Variants in FZD2 observed in about 807,000 individuals in gnomAD.
The protein encoded by FZD2 is frizzled class receptor 2.
In FZD2, 17 loss-of-function variants were observed where a neutral mutation model predicts 36.7. That is an observed-to-expected ratio of 0.46 (90% CI 0.32 to 0.70). FZD2 has a LOEUF of 0.70. Ranked by LOEUF, FZD2 falls within the 30% of genes least tolerant of loss-of-function variation. The probability of loss-of-function intolerance (pLI) is 0.04; values close to 1 mark genes in which losing one functional copy is unlikely to be tolerated. For missense variants in FZD2, 525 were observed against 805.6 expected (o/e 0.65, Z 4.22); for synonymous variants, 333 against 359.6 (o/e 0.93, Z 0.84).
Position 44,558,756 on chromosome 17 carries a change from C to T in FZD2, c.1068C>T (p.Ala356=), listed in dbSNP as rs756235284. 1 of 1,614,228 alleles carries T rather than the reference C, an allele frequency of 6.2e-7. No individual in the cohort carries two copies. Among genetic ancestry groups the T allele is most frequent in the South Asian group, 1.1e-5 (1 of 91,090 alleles). ...TGTCGCTCACCTGGTTCCTGGCAGC[C>T]GGCATGAAGTGGGGCCACGAGGCCA... ...VILSLTWFLA[A]GMKWGHEAIE... is the part of the protein sequence containing the mutation. The change falls in exon 1 of 1, where the codon GCC becomes GCT. Residue 356 remains alanine (A), a synonymous_variant. Transcript: ENST00000315323. This position sits in a 1 kb window ranked among gnomAD's most constrained non-coding sequence, Gnocchi z 9.3.
chr17:44,557,632 G>A lies in FZD2; in HGVS notation c.-57G>A, dbSNP rs1364129535. ...CGGCGGGGAAGAAGCGCAGTCTCCG[G>A]GTTGGGGGCGGGGGCGGGGGGGGCG... On this transcript the variant is annotated 5_prime_UTR_variant, in exon 1 of 1. Transcript: ENST00000315323. The surrounding 1 kb of genome is among the most constrained non-coding windows in gnomAD (Gnocchi z 4.9). The A allele has an allele frequency of 2.8e-6, 3 of 1,083,468 alleles. No homozygotes were observed. In the African/African-American group the frequency reaches 5.0e-5, roughly 18 times the overall value. 67.1% of individuals were successfully genotyped at this position (1,083,468 alleles called of 1,614,324 possible).
Position 44,558,937 on chromosome 17 carries a change from C to T in FZD2, c.1249C>T (p.Leu417=). The change falls in exon 1 of 1, where the codon CTA becomes TTA. Residue 417 remains leucine (L), a synonymous_variant. Coordinates refer to ENST00000315323, the MANE Select transcript of FZD2 (RefSeq NM_001466.4). This position sits in a 1 kb window ranked among gnomAD's most constrained non-coding sequence, Gnocchi z 9.3. ...NSLDPLRGFV[L]APLFVYLFIG... ...CCTGGACCCGCTGCGGGGCTTCGTGCTAGCGCCGCTCTTCGTGTACCTGTT... is the reference window on the plus strand; with the variant it reads ...CCTGGACCCGCTGCGGGGCTTCGTGTTAGCGCCGCTCTTCGTGTACCTGTT... The T allele has an allele frequency of 1.2e-6, 2 of 1,613,602 alleles. No homozygotes were observed. The highest frequency in any genetic ancestry group is 1.7e-6 in the Non-Finnish European group (2 of 1,179,948).
At position 44,557,566 on chromosome 17, in the gene FZD2, T is replaced by G; in HGVS notation, c.-123T>G. On this transcript the variant is annotated 5_prime_UTR_variant, in exon 1 of 1. Coordinates refer to ENST00000315323, the MANE Select transcript of FZD2 (RefSeq NM_001466.4). The surrounding 1 kb of genome is among the most constrained non-coding windows in gnomAD (Gnocchi z 4.9). ...CCCAACTCTGCGGCCGCGAGTAAAG[T>G]TTGCAAAGAGGCGCGGGAGGCGGCA... 1 of 621,424 alleles carries G rather than the reference T, an allele frequency of 1.6e-6. No individual in the cohort carries two copies. The highest frequency in any genetic ancestry group is 2.4e-6 in the Non-Finnish European group (1 of 424,436). The allele number at this position is 621,424 out of a possible 1,614,324, so 38.5% of individuals were successfully genotyped here.
Position 44,557,575 on chromosome 17 carries a change from A to G in FZD2, c.-114A>G. On this transcript the variant is annotated 5_prime_UTR_variant, in exon 1 of 1. Transcript: ENST00000315323. This position sits in a 1 kb window ranked among gnomAD's most constrained non-coding sequence, Gnocchi z 4.9. ...GCGGCCGCGAGTAAAGTTTGCAAAG[A>G]GGCGCGGGAGGCGGCAGCCGCAGCG... The G allele has an allele frequency of 1.5e-6, 1 of 649,788 alleles. No individual in the cohort carries two copies. The highest frequency in any genetic ancestry group is 3.4e-5 in the South Asian group (1 of 29,732). The allele number at this position is 649,788 out of a possible 1,614,324, so 40.3% of individuals were successfully genotyped here. A position where few individuals can be genotyped will look rare whatever the true frequency, so the allele number is the denominator to read the frequency against.
chr17:44,558,254 C>G lies in FZD2; in HGVS notation c.566C>G (p.Pro189Arg). The change falls in exon 1 of 1, where the codon CCC becomes CGC. Residue 189 changes from proline to arginine, a missense_variant. Around this residue, in one of 5 missense-constraint regions of FZD2, gnomAD observed 257 missense variants for 344.4 expected, o/e 0.75. Transcript: ENST00000315323. The surrounding 1 kb of genome is among the most constrained non-coding windows in gnomAD (Gnocchi z 9.3). ...TPGGPGGGGA[P>R]PRYATLEHPF... is the part of the protein sequence containing the mutation. ...GGTGGCCCGGGCGGCGGCGGCGCTCCCCCGCGCTACGCCACGCTGGAGCAC... is the reference window on the plus strand; with the variant it reads ...GGTGGCCCGGGCGGCGGCGGCGCTCGCCCGCGCTACGCCACGCTGGAGCAC... The G allele has an allele frequency of 7.2e-7, 1 of 1,395,918 alleles. No individual in the cohort carries two copies. Among genetic ancestry groups the G allele is most frequent in the Non-Finnish European group, 9.3e-7 (1 of 1,079,644 alleles). The allele number at this position is 1,395,918 out of a possible 1,614,324, so 86.5% of individuals were successfully genotyped here.
rs1970878176 is a variant in FZD2 at position 44,560,645 on chromosome 17, A to G, written c.*1259A>G. 6.6e-6 allele frequency among the ~76,000 whole-genome samples: 1 copy of G among 151,830 alleles called. No individual in the cohort carries two copies. The highest frequency in any genetic ancestry group is 2.4e-5 in the African/African-American group (1 of 41,296). ...CTGTGGGGGTGGGTTGAGTGTTTAC[A>G]TTACATTCTATATCACAAGATTGAT... is the stretch of plus-strand genomic sequence containing the variant. On this transcript the variant is annotated 3_prime_UTR_variant, in exon 1 of 1. Coordinates refer to ENST00000315323, the MANE Select transcript of FZD2 (RefSeq NM_001466.4).
chr17:44,557,753 C>G lies in FZD2; in HGVS notation c.65C>G (p.Pro22Arg). 6.2e-7 allele frequency: 1 copy of G among 1,610,400 alleles called. No individual in the cohort carries two copies. Among genetic ancestry groups the G allele is most frequent in the Non-Finnish European group, 8.5e-7 (1 of 1,179,042 alleles). Residue 22 changes from proline to arginine, a missense_variant, in exon 1 of 1, where the codon CCG becomes CGG. Coordinates refer to ENST00000315323, the MANE Select transcript of FZD2 (RefSeq NM_001466.4). This position sits in a 1 kb window ranked among gnomAD's most constrained non-coding sequence, Gnocchi z 4.9. The part of the protein sequence containing the change: ...LPLLLLPAAG[P>R]AQFHGEKGIS... ...CTGCTGCTGCTGCCCGCCGCCGGGC[C>G]GGCCCAGTTCCACGGGGAGAAGGGC... is the stretch of plus-strand genomic sequence containing the variant.
At position 44,559,382 on chromosome 17, in the gene FZD2, T is replaced by A; in HGVS notation, c.1694T>A (p.Val565Glu). 1.3e-6 allele frequency: 2 copies of A among 1,598,404 alleles called. No individual in the cohort carries two copies. The highest frequency in any genetic ancestry group is 1.7e-6 in the Non-Finnish European group (2 of 1,171,362). Reference sequence around the variant, plus strand: ...AACAGCCGACACGGTGAGACCACCGTGTGAGGGACGCCCCCAGGCCGGAAC... The same window carrying A: ...AACAGCCGACACGGTGAGACCACCGAGTGAGGGACGCCCCCAGGCCGGAAC... ...LTNSRHGETT[V>E] Residue 565 changes from valine (V) to glutamate (E), a missense_variant, in exon 1 of 1, where the codon GTG becomes GAG. Physicochemically the swap from Val to Glu is moderately radical, Grantham distance 121. Transcript: ENST00000315323. The surrounding 1 kb of genome is among the most constrained non-coding windows in gnomAD (Gnocchi z 4.4).
At position 44,557,750 on chromosome 17, in the gene FZD2, G is replaced by T. The variant is rs1409538143; in HGVS notation, c.62G>T (p.Gly21Val). Residue 21 changes from glycine to valine, a missense_variant, in exon 1 of 1, where the codon GGG becomes GTG. Gly to Val is a moderately radical substitution (Grantham distance 109). Transcript: ENST00000315323. This position sits in a 1 kb window ranked among gnomAD's most constrained non-coding sequence, Gnocchi z 4.9. ...LLPLLLLPAA[G>V]PAQFHGEKGI... ...CCGCTGCTGCTGCTGCCCGCCGCCGGGCCGGCCCAGTTCCACGGGGAGAAG... is the reference window on the plus strand; with the variant it reads ...CCGCTGCTGCTGCTGCCCGCCGCCGTGCCGGCCCAGTTCCACGGGGAGAAG... 1 of 1,609,834 alleles carries T rather than the reference G, an allele frequency of 6.2e-7. No individual in the cohort carries two copies. The highest frequency in any genetic ancestry group is 1.1e-5 in the South Asian group (1 of 90,910).
Position 44,560,036 on chromosome 17 carries a change from G to T in FZD2, c.*650G>T, listed in dbSNP as rs1327520787. Among the ~76,000 whole-genome samples the T allele has an allele frequency of 3.9e-5, 6 of 152,130 alleles. No homozygotes were observed. The highest frequency in any genetic ancestry group is 3.9e-4 in the Admixed American group (6 of 15,278). On this transcript the variant is annotated 3_prime_UTR_variant, in exon 1 of 1. Transcript: ENST00000315323. ...CGTGGAAAAAAAAATCGGGGTCGGG[G>T]TGTGCTGGTGGGGAGAGGGCAGAGA... is the stretch of plus-strand genomic sequence containing the variant.
chr17:44,557,655 G>A lies in FZD2; in HGVS notation c.-34G>A, dbSNP rs1201826182. 6 of 1,167,498 alleles carry A rather than the reference G, an allele frequency of 5.1e-6. No individual in the cohort carries two copies. The highest frequency in any genetic ancestry group is 3.3e-4 in the Middle Eastern group (1 of 3,018). 72.3% of individuals were successfully genotyped at this position (1,167,498 alleles called of 1,614,324 possible). ...CGGGTTGGGGGCGGGGGCGGGGGGG[G>A]CGCCAAGGAGCCGGGTGGGGGGCGG... On this transcript the variant is annotated 5_prime_UTR_variant, in exon 1 of 1. Coordinates refer to ENST00000315323, the MANE Select transcript of FZD2 (RefSeq NM_001466.4). The surrounding 1 kb of genome is among the most constrained non-coding windows in gnomAD (Gnocchi z 4.9).
rs762514513 is a variant in FZD2 at position 44,558,212 on chromosome 17, G to A, written c.524G>A (p.Gly175Asp). ...TTAPPPGLQP[G>D]AGGTPGGPGG... ...GCGCCGCCGCCGGGACTGCAGCCGG[G>A]TGCCGGGGGCACCCCGGGTGGCCCG... The change falls in exon 1 of 1, where the codon GGT (glycine) becomes GAT (aspartate). Residue 175 changes from glycine to aspartate, a missense_variant. Around this residue, in one of 5 missense-constraint regions of FZD2, gnomAD observed 257 missense variants for 344.4 expected, o/e 0.75. Transcript: ENST00000315323. This position sits in a 1 kb window ranked among gnomAD's most constrained non-coding sequence, Gnocchi z 9.3. The A allele has an allele frequency of 3.5e-6, 5 of 1,428,964 alleles. No homozygotes were observed. The East Asian group carries it at 1.4e-4, about 40-fold the overall frequency. The allele number at this position is 1,428,964 out of a possible 1,614,324, so 88.5% of individuals were successfully genotyped here.
Position 44,560,188 on chromosome 17 carries a change from T to TG in FZD2, c.*803dup, listed in dbSNP as rs1970873560. On this transcript the variant is annotated 3_prime_UTR_variant, in exon 1 of 1. Transcript: ENST00000315323. ...CTTCCAGTGGCCCAAAAATGCTTTT[T>TG]GAAGTGTGTTTTGAAACAGCCCCCA... Among the ~76,000 whole-genome samples, 3 of 152,172 alleles carry TG rather than the reference T, an allele frequency of 2.0e-5. No homozygotes were observed. Among genetic ancestry groups the TG allele is most frequent in the Admixed American group, 2.0e-4 (3 of 15,280 alleles).
Position 44,561,040 on chromosome 17 carries a change from C to G in FZD2, c.*1654C>G, listed in dbSNP as rs1970882502. ...GTCAAGACTTCTCTTAAGTTAACTT[C>G]CTGAGAAGTGATGTCTAAAAGTATC... On this transcript the variant is annotated 3_prime_UTR_variant, in exon 1 of 1. Transcript: ENST00000315323. Among the ~76,000 whole-genome samples, 2 of 152,156 alleles carry G rather than the reference C, an allele frequency of 1.3e-5. No individual in the cohort carries two copies. Among genetic ancestry groups the G allele is most frequent in the African/African-American group, 4.8e-5 (2 of 41,420 alleles).
At position 44,559,391 on chromosome 17, in the gene FZD2, C is replaced by A; in HGVS notation, c.*5C>A. 4 of 1,590,570 alleles carry A rather than the reference C, an allele frequency of 2.5e-6. No individual in the cohort carries two copies. The highest frequency in any genetic ancestry group is 2.6e-6 in the Non-Finnish European group (3 of 1,167,502). ...CACGGTGAGACCACCGTGTGAGGGACGCCCCCAGGCCGGAACCGCGCGGCG... is the reference window on the plus strand; with the variant it reads ...CACGGTGAGACCACCGTGTGAGGGAAGCCCCCAGGCCGGAACCGCGCGGCG... On this transcript the variant is annotated 3_prime_UTR_variant, in exon 1 of 1. Coordinates refer to ENST00000315323, the MANE Select transcript of FZD2 (RefSeq NM_001466.4). The surrounding 1 kb of genome is among the most constrained non-coding windows in gnomAD (Gnocchi z 4.4).
At position 44,559,430 on chromosome 17, in the gene FZD2, G is replaced by T; in HGVS notation, c.*44G>T. ...AACCGCGCGGCGCTTTCCTCCGCCC[G>T]GGGTGGGGCCCCTACAGACTCCGTA... On this transcript the variant is annotated 3_prime_UTR_variant, in exon 1 of 1. Coordinates refer to ENST00000315323, the MANE Select transcript of FZD2 (RefSeq NM_001466.4). The surrounding 1 kb of genome is among the most constrained non-coding windows in gnomAD (Gnocchi z 4.4). 6.6e-7 allele frequency: 1 copy of T among 1,513,444 alleles called. No individual in the cohort carries two copies. Among genetic ancestry groups the T allele is most frequent in the South Asian group, 1.3e-5 (1 of 76,638 alleles). 93.8% of individuals were successfully genotyped at this position (1,513,444 alleles called of 1,614,324 possible).
In FZD2 at chr17:44,558,957, C is replaced by A. The variant is rs1451148515; in HGVS notation, c.1269C>A (p.Tyr423Ter). 6.2e-7 allele frequency: 1 copy of A among 1,614,008 alleles called. No homozygotes were observed. Among genetic ancestry groups the A allele is most frequent in the African/African-American group, 1.3e-5 (1 of 75,060 alleles). ...RGFVLAPLFV[Y>*]LFIGTSFLLA... ...TCGTGCTAGCGCCGCTCTTCGTGTA[C>A]CTGTTCATCGGCACGTCCTTCCTCC... Residue 423 changes from tyrosine to a stop codon, truncating the protein, a stop_gained, in exon 1 of 1, where the codon TAC (tyrosine) becomes TAA (stop). Transcript: ENST00000315323. LOFTEE classifies it high-confidence loss of function. The surrounding 1 kb of genome is among the most constrained non-coding windows in gnomAD (Gnocchi z 9.3).
Position 44,558,034 on chromosome 17 carries a change from C to A in FZD2, c.346C>A (p.Arg116Ser). ...AIPPCRSICE[R>S]ARQGCEALMN... Reference sequence around the variant, plus strand: ...CCCGCCGTGCCGCTCTATCTGTGAGCGCGCGCGCCAGGGCTGCGAAGCCCT... The same window carrying A: ...CCCGCCGTGCCGCTCTATCTGTGAGAGCGCGCGCCAGGGCTGCGAAGCCCT... Residue 116 changes from arginine to serine, a missense_variant, in exon 1 of 1, where the codon CGC becomes AGC. By Grantham distance (110) the Arg-to-Ser change is moderately radical. This residue lies in a region of FZD2 where 257 missense variants were observed against 344.4 expected (regional missense o/e 0.75). Coordinates refer to ENST00000315323, the MANE Select transcript of FZD2 (RefSeq NM_001466.4). This position sits in a 1 kb window ranked among gnomAD's most constrained non-coding sequence, Gnocchi z 9.3. The A allele has an allele frequency of 6.2e-7, 1 of 1,613,016 alleles. No individual in the cohort carries two copies. Among genetic ancestry groups the A allele is most frequent in the South Asian group, 1.1e-5 (1 of 91,082 alleles).
chr17:44,557,981 C>G lies in FZD2; in HGVS notation c.293C>G (p.Pro98Arg). Residue 98 changes from proline to arginine, a missense_variant, in exon 1 of 1, where the codon CCC (proline) becomes CGC (arginine). This residue lies in a region of FZD2 where 257 missense variants were observed against 344.4 expected (regional missense o/e 0.75). Transcript: ENST00000315323. The surrounding 1 kb of genome is among the most constrained non-coding windows in gnomAD (Gnocchi z 4.9). ...LRFFLCSMYA[P>R]VCTVLEQAIP... ...TTCTTCCTGTGCTCCATGTACGCACCCGTGTGCACCGTGCTGGAACAGGCC... is the reference window on the plus strand; with the variant it reads ...TTCTTCCTGTGCTCCATGTACGCACGCGTGTGCACCGTGCTGGAACAGGCC... 1 of 1,614,024 alleles carries G rather than the reference C, an allele frequency of 6.2e-7. No homozygotes were observed. Among genetic ancestry groups the G allele is most frequent in the South Asian group, 1.1e-5 (1 of 91,088 alleles).
Sources: gnomAD v4.1 joint callset for allele counts (sites outside exome capture counted in the v4.1 genomes callset) on GRCh38, gnomAD v4.1.1 for gene constraint, gnomAD v4.1.1 regional missense constraint, Gnocchi (gnomAD v3.1) non-coding constraint, MANE v1.5 for transcripts, NCBI Gene and HGNC (gene_info 2026-07-23, HGNC 2026-07-21) for gene names.